Variants in OTUD7A observed in about 807,000 individuals in gnomAD.
The protein encoded by OTUD7A is OTU deubiquitinase 7A, also known as OTU domain-containing protein 7A.
OTUD7A carries 12 observed loss-of-function variants against 65.7 expected under a neutral mutation model. The ratio of observed to expected loss-of-function variants is 0.18; its 90% CI spans 0.12 to 0.30. The LOEUF is 0.30. OTUD7A is among the 10% of genes least tolerant of loss of function. The probability of loss-of-function intolerance (pLI) is 1.00; values close to 1 mark genes in which losing one functional copy is unlikely to be tolerated. For synonymous variants in OTUD7A, 641 were observed against 586.3 expected (o/e 1.09, Z -1.35); for missense variants, 1,148 against 1,304.8 (o/e 0.88, Z 1.85).
chr15:31,833,855 G>T (rs531745405), intron 1 of OTUD7A, among the ~76,000 whole-genome samples: 3 of 152,284 alleles, frequency 2.0e-5, no homozygotes, highest in African/African-American at 7.2e-5. Context: ...ATAAACTTGG[G>T]AATACTGGGC....
intron 3 of OTUD7A, among the ~76,000 whole-genome samples, chr15:31,580,069 CA>C (rs1889326765): frequency 6.6e-6 from 1 of 152,092 alleles, no homozygotes; most frequent in Non-Finnish European, 1.5e-5. Flanking sequence ...AGTCTGAGAT[CA>C]AAAAGAAGAG....
intron 1 of OTUD7A, among the ~76,000 whole-genome samples, chr15:31,815,967 T>C (rs1040039311): frequency 6.6e-6 from 1 of 152,206 alleles, no homozygotes; most frequent in Non-Finnish European, 1.5e-5. Flanking sequence ...CCATTCGCCA[T>C]GCTCCTCCCT....
intron 1 of OTUD7A, among the ~76,000 whole-genome samples, chr15:31,660,051 T>C (rs1374676473): frequency 6.6e-6 from 1 of 152,288 alleles, no homozygotes; most frequent in African/African-American, 2.4e-5. Flanking sequence ...ACATGCACTA[T>C]TACTATTATT....
At chr15:31,640,054 G>A (rs1595677716) in intron 3 of OTUD7A, among the ~76,000 whole-genome samples, 1 of 152,148 alleles carries the variant, frequency 6.6e-6, no homozygotes, top group South Asian at 2.1e-4. Context: ...GATTGTTCAT[G>A]GGGTATCATG....
At chr15:31,866,782 TAC>T (rs997487844) in intron 1 of OTUD7A, among the ~76,000 whole-genome samples, 4 of 152,222 alleles carry the variant, frequency 2.6e-5, no homozygotes, top group Non-Finnish European at 5.9e-5. Context: ...TTTAACCATT[TAC>T]AGTGTTCAAT....
chr15:31,755,740 T>C (rs1894795025), intron 1 of OTUD7A, among the ~76,000 whole-genome samples: 1 of 151,640 alleles, frequency 6.6e-6, no homozygotes, highest in Non-Finnish European at 1.5e-5. Context: ...AAAAAAGTAC[T>C]GGTCTTCAAC....
rs541015229 is a variant in OTUD7A at position 31,638,070 on chromosome 15, C to G, written c.151+17026G>C. ...CTGTGGGTAAAATGCTATCAAATAG[C>G]ATCACACATGCTACAGAGAAATCTT... On this transcript the variant is annotated intron_variant, in intron 3 of 12. Coordinates refer to ENST00000307050, the MANE Select transcript of OTUD7A (RefSeq NM_001382637.1). Among the ~76,000 whole-genome samples, 12 of 152,294 alleles carry G rather than the reference C, an allele frequency of 7.9e-5. No homozygotes were observed. The East Asian group carries it at 2.1e-3, about 27-fold the overall frequency.
intron 1 of OTUD7A, among the ~76,000 whole-genome samples, chr15:31,704,464 G>A (rs549708179): frequency 2.1e-4 from 30 of 141,286 alleles, no homozygotes; most frequent in South Asian, 7.2e-4. Context: ...GACCTGTGCC[G>A]ACCTATTTCT....
At chr15:31,528,098 GC>G (rs1292206189) in intron 6 of OTUD7A, among the ~76,000 whole-genome samples, 1 of 152,224 alleles carries the variant, frequency 6.6e-6, no homozygotes, top group African/African-American at 2.4e-5. Context: ...TGTGGCAGTG[GC>G]CGGGACACAT....
At chr15:31,822,424 A>C (rs961259185) in intron 1 of OTUD7A, among the ~76,000 whole-genome samples, 1 of 152,220 alleles carries the variant, frequency 6.6e-6, no homozygotes, top group Non-Finnish European at 1.5e-5. Flanking sequence ...ACAGACAAAG[A>C]AGCAACAAAG....
intron 10 of OTUD7A, among the ~76,000 whole-genome samples, chr15:31,493,234 A>G (rs1273057752): frequency 6.6e-6 from 1 of 152,206 alleles, no homozygotes; most frequent in Admixed American, 6.5e-5. Flanking sequence ...AGAGAGCTAG[A>G]GTAGCCATAT....
chr15:31,592,838 C>T (rs1209463528), intron 3 of OTUD7A, among the ~76,000 whole-genome samples: 3 of 131,910 alleles, frequency 2.3e-5, no homozygotes, highest in Non-Finnish European at 4.7e-5. Flanking sequence ...CGAGATCGTG[C>T]CCCTGCGCTC....
chr15:31,758,303 T>C (rs925725343), intron 1 of OTUD7A, among the ~76,000 whole-genome samples: 1 of 152,142 alleles, frequency 6.6e-6, no homozygotes, highest in African/African-American at 2.4e-5. Flanking sequence ...AATAGTGCCT[T>C]CCTGCTAAGC....
At chr15:31,528,766 C>A (rs1166601338) in intron 6 of OTUD7A, among the ~76,000 whole-genome samples, 2 of 152,264 alleles carry the variant, frequency 1.3e-5, no homozygotes, top group African/African-American at 4.8e-5. Context: ...ACAATCCTAG[C>A]TCAACGTCAG....
At chr15:31,567,223 T>C (rs920375728) in intron 4 of OTUD7A, among the ~76,000 whole-genome samples, 1 of 152,182 alleles carries the variant, frequency 6.6e-6, no homozygotes, top group Admixed American at 6.5e-5. Context: ...TAGATGGATA[T>C]GAAGAAATTA....
At chr15:31,700,996 A>T (rs1486826935) in intron 1 of OTUD7A, among the ~76,000 whole-genome samples, 1 of 152,224 alleles carries the variant, frequency 6.6e-6, no homozygotes, top group Non-Finnish European at 1.5e-5. Flanking sequence ...GCACAGCCTC[A>T]CCTTGATCTA....
intron 5 of OTUD7A, among the ~76,000 whole-genome samples, chr15:31,531,520 C>CAAAAAAAAAAAAAAAAAAAAAAAAAAAAA (rs60332452): frequency 1.2e-5 from 1 of 80,164 alleles, no homozygotes; most frequent in African/African-American, 4.2e-5. Context: ...GAGTAGGCCA[C>CAAAAAAAAAAAAAAAAAAAAAAAAAAAAA]AAAAAAAAAA....
intron 3 of OTUD7A, among the ~76,000 whole-genome samples, chr15:31,598,065 G>C (rs1195879348): frequency 6.6e-6 from 1 of 152,190 alleles, no homozygotes; most frequent in East Asian, 1.9e-4. Context: ...TGGTCCGGGA[G>C]AGCCTGGGAG....
chr15:31,795,506 T>C (rs532498913), intron 1 of OTUD7A, among the ~76,000 whole-genome samples: 47 of 151,816 alleles, frequency 3.1e-4, no homozygotes, highest in Non-Finnish European at 4.9e-4. Context: ...ATCGGAGAGG[T>C]GTAGCTAGCA....
Sources: allele counts gnomAD v4.1 joint callset (sites outside exome capture counted in the v4.1 genomes callset), GRCh38; gene constraint gnomAD v4.1.1; transcripts MANE v1.5; gene names NCBI Gene and HGNC (gene_info 2026-07-23, HGNC 2026-07-21).